Variants in VPS41 observed in about 807,000 individuals in gnomAD.
The protein encoded by VPS41 is VPS41 subunit of HOPS complex, also known as vacuolar protein sorting-associated protein 41 homolog.
VPS41 carries 85 observed loss-of-function variants against 130.9 expected under a neutral mutation model. That is an observed-to-expected ratio of 0.65 (90% CI 0.55 to 0.78). The LOEUF (loss-of-function observed/expected upper bound fraction) is 0.78. Ranked by LOEUF, VPS41 falls within the 30% of genes least tolerant of loss-of-function variation. VPS41 has a pLI of 0.00. For synonymous variants in VPS41, 335 were observed against 332.9 expected (o/e 1.01, Z -0.07); for missense variants, 874 against 1,018.7 (o/e 0.86, Z 1.93).
chr7:38,870,764 A>C (rs13244675), intron 2 of VPS41, among the ~76,000 whole-genome samples: 1 of 117,596 alleles, frequency 8.5e-6, no homozygotes, highest in Non-Finnish European at 1.7e-5. Flanking sequence ...AAAAAAAAAA[A>C]CAGAAAAAGA....
rs1795511658 is a variant in VPS41 at position 38,725,066 on chromosome 7, T to G, written c.*1180A>C. On this transcript the variant is annotated 3_prime_UTR_variant, in exon 29 of 29. Transcript: ENST00000310301. ...ATGAACTGCTGCTCATGGGAATGGC[T>G]GGGTGACTTCGGTAGCTGGCATGCT... 1 of 152,250 alleles carries G rather than the reference T, an allele frequency of 6.6e-6. No individual in the cohort carries two copies. Among genetic ancestry groups the G allele is most frequent in the African/African-American group, 2.4e-5 (1 of 41,454 alleles). The allele number at this position is 152,250 out of a possible 1,614,324, so 9.4% of individuals were successfully genotyped here.
At position 38,909,158 on chromosome 7, in the gene VPS41, T is replaced by C. The variant is rs150053888; in HGVS notation, c.17A>G (p.Glu6Gly). 12 of 1,614,124 alleles carry C rather than the reference T, an allele frequency of 7.4e-6. No individual in the cohort carries two copies. The highest frequency in any genetic ancestry group is 1.0e-5 in the Non-Finnish European group (12 of 1,180,028). The change falls in exon 1 of 29, where the codon GAG (glutamate) becomes GGG (glycine). Residue 6 changes from glutamate (E) to glycine (G), a missense_variant. Transcript: ENST00000310301. MAEAEEQETGSLEEST... is the reference protein window; with the variant it reads MAEAEGQETGSLEEST... ...ACTACCACCTGCACCCTTTACCTGC[T>C]CCTCTGCTTCCGCCATGGCGCCACG...
chr7:38,752,229 G>C lies in VPS41; in HGVS notation c.1873C>G (p.Arg625Gly), dbSNP rs777103108. The C allele has an allele frequency of 6.2e-7, 1 of 1,613,964 alleles. No homozygotes were observed. The highest frequency in any genetic ancestry group is 1.1e-5 in the South Asian group (1 of 91,072). The change falls in exon 22 of 29, where the codon CGA becomes GGA. Residue 625 changes from arginine (R) to glycine (G), a missense_variant. Physicochemically the swap from Arg to Gly is moderately radical, Grantham distance 125 (BLOSUM62 -2). Transcript: ENST00000310301. ...CGGAGAAAGGGAAGTAAGTTTGGTC[G>C]ATCATATTCAGCATAAAGACTGATC... ...KQISLYAEYDRPNLLPFLRDS... is the reference protein window; with the variant it reads ...KQISLYAEYDGPNLLPFLRDS...
At chr7:38,776,853 G>T in intron 10 of VPS41, 77 bp from the exon 11 acceptor site, 1 of 724,284 alleles carries the variant, frequency 1.4e-6, no homozygotes, top group Non-Finnish European at 2.4e-6. Context: ...CACAATGACT[G>T]TGAATGCTAG....
intron 4 of VPS41, among the ~76,000 whole-genome samples, chr7:38,836,133 A>G (rs1242185427): frequency 6.6e-6 from 1 of 151,938 alleles, no homozygotes; most frequent in East Asian, 1.9e-4. Context: ...GCTTAGTTAC[A>G]TTATTTTATA....
chr7:38,776,338 T>C (rs78493385), intron 11 of VPS41, among the ~76,000 whole-genome samples: 7,487 of 152,276 alleles, frequency 0.049, 626 homozygotes, highest in African/African-American at 0.17. Flanking sequence ...TTGTTGCTGC[T>C]GATCAAGTTC....
At position 38,743,504 on chromosome 7, in the gene VPS41, T is replaced by C. The variant is rs761146371; in HGVS notation, c.2020A>G (p.Met674Val). ...GNSRSALKMI[M>V]EELHDVDKAI... ...TTATCAACATCATGTAATTCCTCCA[T>C]AATCATCTTCAGGGCACTTCGGCTA... The change falls in exon 24 of 29, where the codon ATG becomes GTG. Residue 674 changes from methionine (M) to valine (V), a missense_variant. Physicochemically the swap from Met to Val is conservative, Grantham distance 21 (BLOSUM62 1). Transcript: ENST00000310301. The C allele has an allele frequency of 4.3e-6, 7 of 1,613,828 alleles. No homozygotes were observed. The highest frequency in any genetic ancestry group is 2.7e-5 in the African/African-American group (2 of 74,926).
chr7:38,795,743 GA>G (rs773386883), intron 8 of VPS41, 132 bp from the exon 9 acceptor site: 53 of 755,478 alleles, frequency 7.0e-5, no homozygotes, highest in Non-Finnish European at 9.7e-5. Flanking sequence ...AGCATGCAAG[GA>G]AAATGCTCCT....
chr7:38,836,373 A>G (rs1785493373), intron 4 of VPS41, among the ~76,000 whole-genome samples: 1 of 152,116 alleles, frequency 6.6e-6, no homozygotes, highest in African/African-American at 2.4e-5. Context: ...AAGTGAAAGT[A>G]TAAATATTTC....
At chr7:38,814,753 T>C (rs528175567) in intron 7 of VPS41, among the ~76,000 whole-genome samples, 39 of 152,362 alleles carry the variant, frequency 2.6e-4, no homozygotes, top group African/African-American at 8.7e-4. Flanking sequence ...ATATTATCTC[T>C]GGTATGTTCT....
chr7:38,838,815 T>C (rs1440381008), intron 4 of VPS41, among the ~76,000 whole-genome samples: 1 of 152,214 alleles, frequency 6.6e-6, no homozygotes, highest in Non-Finnish European at 1.5e-5. Flanking sequence ...ATGGATTATG[T>C]CAGCTCTTCA....
At chr7:38,752,412 G>C in intron 21 of VPS41, 99 bp from the exon 22 acceptor site, 1 of 1,429,896 alleles carries the variant, frequency 7.0e-7, no homozygotes, top group Non-Finnish European at 9.5e-7. Flanking sequence ...CCATGGACAG[G>C]TTGGGGGAGA....
intron 4 of VPS41, among the ~76,000 whole-genome samples, chr7:38,857,045 A>G (rs974755635): frequency 1.3e-5 from 2 of 152,334 alleles, no homozygotes; most frequent in African/African-American, 4.8e-5. Flanking sequence ...CAGAGACACA[A>G]TGGTTAGATG....
rs1479359442 is a variant in VPS41 at position 38,743,505 on chromosome 7, A to T, written c.2019T>A (p.Ile673=). The part of the protein sequence containing the change: ...MGNSRSALKM[I]MEELHDVDKA... ...TATCAACATCATGTAATTCCTCCAT[A>T]ATCATCTTCAGGGCACTTCGGCTAT... Residue 673 remains isoleucine (I), a synonymous_variant, in exon 24 of 29, where the codon ATT becomes ATA. Transcript: ENST00000310301. The T allele has an allele frequency of 6.2e-7, 1 of 1,613,898 alleles. No individual in the cohort carries two copies. Among genetic ancestry groups the T allele is most frequent in the Non-Finnish European group, 8.5e-7 (1 of 1,179,854 alleles).
At chr7:38,781,765 A>T (rs1332179622) in intron 10 of VPS41, among the ~76,000 whole-genome samples, 1 of 151,970 alleles carries the variant, frequency 6.6e-6, no homozygotes, top group East Asian at 1.9e-4. Context: ...TTCTGAAATG[A>T]GCTTTTATTT....
intron 5 of VPS41, 113 bp downstream of exon 5, chr7:38,830,141 C>G: frequency 1.4e-6 from 1 of 736,198 alleles, no homozygotes; most frequent in South Asian, 1.6e-5. Flanking sequence ...GTTCAATACT[C>G]AGAAAGAATA....
intron 8 of VPS41, 91 bp from the exon 9 acceptor site, chr7:38,795,702 C>G: frequency 8.5e-7 from 1 of 1,173,824 alleles, no homozygotes; most frequent in Non-Finnish European, 1.2e-6. Flanking sequence ...TACCAATAAC[C>G]AGCACGGAGA....
intron 25 of VPS41, among the ~76,000 whole-genome samples, chr7:38,740,408 C>G (rs1299571390): frequency 6.6e-6 from 1 of 152,168 alleles, no homozygotes; most frequent in Non-Finnish European, 1.5e-5. Context: ...AGGGACGTCA[C>G]CTTTCTGGAT....
intron 2 of VPS41, among the ~76,000 whole-genome samples, chr7:38,877,056 T>C (rs1015665958): frequency 6.6e-6 from 1 of 152,202 alleles, no homozygotes; most frequent in Non-Finnish European, 1.5e-5. Flanking sequence ...TAACCCTCTT[T>C]TCCTCTCTTG....
Sources: gnomAD v4.1 joint callset for allele counts (sites outside exome capture counted in the v4.1 genomes callset) on GRCh38, gnomAD v4.1.1 for gene constraint, MANE v1.5 for transcripts, NCBI Gene and HGNC (gene_info 2026-07-23, HGNC 2026-07-21) for gene names.